MDFIC2: variants seen among roughly 807,000 people sequenced by gnomAD.
The protein encoded by MDFIC2 is MyoD family inhibitor domain containing 2.
chr3:70,249,249 A>G (rs1701736766), intron 2 of MDFIC2: 1 of 152,152 alleles, frequency 6.6e-6, no homozygotes, highest in Admixed American at 6.6e-5. Flanking sequence ...ACCGGTTTGA[A>G]GGGACAGAAC....
chr3:70,228,631 CTTTT>C (rs199862446), intron 2 of MDFIC2, among the ~76,000 whole-genome samples: 1 of 126,962 alleles, frequency 7.9e-6, no homozygotes, highest in Admixed American at 7.7e-5. Flanking sequence ...AGTTTTCTTA[CTTTT>C]TTTTTTTTTT....
chr3:70,308,037 A>C (rs1702419696), intron 2 of MDFIC2, among the ~76,000 whole-genome samples: 1 of 152,036 alleles, frequency 6.6e-6, no homozygotes, highest in South Asian at 2.1e-4. Context: ...AATGCAGCTC[A>C]TCCTGCCTGG....
intron 2 of MDFIC2, among the ~76,000 whole-genome samples, chr3:70,281,449 C>T (rs1461765980): frequency 6.6e-6 from 1 of 152,126 alleles, no homozygotes; most frequent in Admixed American, 6.6e-5. Context: ...GGCAAGTAAT[C>T]GTGAACAGGC....
At chr3:70,210,601 A>T (rs866559055) in intron 2 of MDFIC2, among the ~76,000 whole-genome samples, 2 of 152,180 alleles carry the variant, frequency 1.3e-5, no homozygotes, top group Non-Finnish European at 2.9e-5. Flanking sequence ...AAGTAGAAAC[A>T]TAAAAAGTAG....
intron 2 of MDFIC2, among the ~76,000 whole-genome samples, chr3:70,297,471 C>G (rs770618405): frequency 6.6e-6 from 1 of 151,952 alleles, no homozygotes; most frequent in African/African-American, 2.4e-5. Flanking sequence ...TCTCTGGTTA[C>G]TAATGACAAA....
At chr3:70,248,869 A>G (rs952711495) in intron 2 of MDFIC2, among the ~76,000 whole-genome samples, 1 of 152,160 alleles carries the variant, frequency 6.6e-6, no homozygotes, top group African/African-American at 2.4e-5. Context: ...AAGGAAATCA[A>G]TTGAAAGGAC....
Position 70,245,671 on chromosome 3 carries a change from TTATATATATATA to T in MDFIC2, c.89-38893_89-38882del, listed in dbSNP as rs34480688. Among the ~76,000 whole-genome samples, 133 of 57,238 alleles carry T rather than the reference TTATATATATATA, an allele frequency of 2.3e-3. 1 individual carries two copies. The highest frequency in any genetic ancestry group is 5.2e-3 in the African/African-American group (91 of 17,432). The allele number at this position is 57,238 out of a possible 152,430, so 37.6% of individuals were successfully genotyped here. ...TTGCATAACGTTTTTGCAAACTGCT[TTATATATATATA>T]TATATATATATATATATATATATAT... On this transcript the variant is annotated intron_variant, in intron 2 of 3. Transcript: ENST00000567252.
intron 2 of MDFIC2, among the ~76,000 whole-genome samples, chr3:70,280,211 G>A (rs945606781): frequency 1.3e-5 from 2 of 152,076 alleles, no homozygotes; most frequent in Admixed American, 6.5e-5. Context: ...TCTTCTGTGT[G>A]TGTCAAATCT....
At chr3:70,293,075 G>A (rs1307866611) in intron 2 of MDFIC2, among the ~76,000 whole-genome samples, 5 of 129,108 alleles carry the variant, frequency 3.9e-5, no homozygotes, top group African/African-American at 8.7e-5. Context: ...AAAAAAAGTA[G>A]CATATTACAT....
intron 2 of MDFIC2, among the ~76,000 whole-genome samples, chr3:70,221,395 C>T (rs549247793): frequency 4.6e-5 from 7 of 152,194 alleles, no homozygotes; most frequent in African/African-American, 1.7e-4. Flanking sequence ...AAGAAGGGCG[C>T]TGTGCCTTAT....
intron 2 of MDFIC2, among the ~76,000 whole-genome samples, chr3:70,222,499 A>G (rs1701469850): frequency 6.6e-6 from 1 of 152,216 alleles, no homozygotes; most frequent in African/African-American, 2.4e-5. Flanking sequence ...TTTTCGGTAA[A>G]GCAATTCTTC....
chr3:70,259,819 C>T (rs1230029497), intron 2 of MDFIC2, among the ~76,000 whole-genome samples: 1 of 152,098 alleles, frequency 6.6e-6, no homozygotes, highest in African/African-American at 2.4e-5. Flanking sequence ...GTTTGATTGA[C>T]TCACAGTTCA....
At chr3:70,310,871 C>T (rs1702448276) in intron 2 of MDFIC2, among the ~76,000 whole-genome samples, 2 of 152,132 alleles carry the variant, frequency 1.3e-5, no homozygotes, top group Non-Finnish European at 2.9e-5. Context: ...TGTAGAATCA[C>T]ACAAACTGGC....
intron 2 of MDFIC2, among the ~76,000 whole-genome samples, chr3:70,295,261 G>T (rs1431786170): frequency 6.6e-6 from 1 of 152,136 alleles, no homozygotes; most frequent in Admixed American, 6.5e-5. Context: ...TAGCCATTAT[G>T]ATTTTTTATT....
chr3:70,238,223 A>G (rs888884807), intron 2 of MDFIC2, among the ~76,000 whole-genome samples: 2 of 151,808 alleles, frequency 1.3e-5, no homozygotes, highest in African/African-American at 4.8e-5. Context: ...TGAAATTAGC[A>G]TACTGGGAGT....
At chr3:70,298,689 A>C (rs1522342) in intron 2 of MDFIC2, among the ~76,000 whole-genome samples, 2 of 151,892 alleles carry the variant, frequency 1.3e-5, no homozygotes, top group Non-Finnish European at 2.9e-5. Context: ...AGCTATATTG[A>C]CTTGCCCAAA....
At chr3:70,227,803 GA>G (rs35165641) in intron 2 of MDFIC2, among the ~76,000 whole-genome samples, 2 of 152,148 alleles carry the variant, frequency 1.3e-5, no homozygotes, top group Non-Finnish European at 2.9e-5. Context: ...CTGAGGCACA[GA>G]AAGGTAATAC....
chr3:70,290,270 C>T (rs1702219397), intron 2 of MDFIC2, among the ~76,000 whole-genome samples: 1 of 152,092 alleles, frequency 6.6e-6, no homozygotes, highest in African/African-American at 2.4e-5. Flanking sequence ...GTTAGTTTTC[C>T]TTCTAACAGA....
At chr3:70,235,119 G>A (rs1701594812) in intron 2 of MDFIC2, among the ~76,000 whole-genome samples, 1 of 152,098 alleles carries the variant, frequency 6.6e-6, no homozygotes, top group African/African-American at 2.4e-5. Flanking sequence ...ACCTCTATTG[G>A]AGAAGAAGGG....
Sources: gnomAD v4.1 joint callset for allele counts (sites outside exome capture counted in the v4.1 genomes callset) on GRCh38, gnomAD v4.1.1 for gene constraint, MANE v1.5 for transcripts, NCBI Gene and HGNC (gene_info 2026-07-23, HGNC 2026-07-21) for gene names.